Variants in APBA1 observed in about 807,000 individuals in gnomAD.
The protein encoded by APBA1 is amyloid beta precursor protein binding family A member 1, also known as amyloid-beta A4 precursor protein-binding family A member 1.
A neutral mutation model predicts 86.6 loss-of-function variants in APBA1; 55 were observed. The observed-to-expected ratio is 0.64, with a 90% CI of 0.51 to 0.80. The LOEUF is 0.80. Ranked by LOEUF, APBA1 falls within the 30% of genes least tolerant of loss-of-function variation. The pLI is 0.00. For synonymous variants in APBA1, 511 were observed against 493.9 expected, an observed-to-expected ratio of 1.03 and a Z score of -0.46; for missense variants, 1,090 against 1,183.0, an observed-to-expected ratio of 0.92 and a Z score of 1.15.
Position 69,476,091 on chromosome 9 carries a change from G to C in APBA1, c.1253C>G (p.Ser418Cys), listed in dbSNP as rs775789110. Residue 418 changes from serine (S) to cysteine (C), a missense_variant, in exon 3 of 13, where the codon TCT becomes TGT. Ser to Cys is a moderately radical substitution (Grantham distance 112, BLOSUM62 -1). Transcript: ENST00000265381. The part of the protein sequence containing the change: ...SPLGAESSST[S>C]LHPSDPVEAS... ...TTCCACAGGGTCACTGGGGTGAAGA[G>C]ATGTGCTTGATGACTCTGCACCCAA... 5.0e-6 allele frequency: 8 copies of C among 1,614,164 alleles called. No individual in the cohort carries two copies. The South Asian group carries it at 8.8e-5, about 18-fold the overall frequency.
intron 8 of APBA1, among the ~76,000 whole-genome samples, chr9:69,454,873 T>C (rs906619530): frequency 2.8e-4 from 43 of 152,078 alleles, no homozygotes; most frequent in Admixed American, 2.3e-3. Context: ...CTAAAACTCA[T>C]TTTCCCCGTT....
chr9:69,500,431 A>C (rs561706919), intron 2 of APBA1, among the ~76,000 whole-genome samples: 28 of 152,270 alleles, frequency 1.8e-4, no homozygotes, highest in African/African-American at 6.5e-4. Flanking sequence ...TTTACTGATG[A>C]GGAAACTGAA....
chr9:69,495,407 T>C (rs944967569), intron 2 of APBA1, among the ~76,000 whole-genome samples: 3 of 152,128 alleles, frequency 2.0e-5, no homozygotes, highest in African/African-American at 7.2e-5. Flanking sequence ...TTTGGGCAGC[T>C]GGGCCAGCTC....
rs139380397 is a variant in APBA1 at position 69,641,738 on chromosome 9, A to T, written c.-70+30415T>A. Among the ~76,000 whole-genome samples the T allele has an allele frequency of 9.2e-5, 14 of 152,372 alleles. No individual in the cohort carries two copies. In the East Asian group the frequency reaches 2.7e-3, roughly 29 times the overall value. ...TCACTATTCACAAAAATTAACTTAAAATGGGCCAGAGACTTAAATTTAAGA... is the reference window on the plus strand; with the variant it reads ...TCACTATTCACAAAAATTAACTTAATATGGGCCAGAGACTTAAATTTAAGA... On this transcript the variant is annotated intron_variant, in intron 1 of 12. Transcript: ENST00000265381.
chr9:69,458,715 A>G (rs551973361), intron 5 of APBA1, among the ~76,000 whole-genome samples: 1 of 151,870 alleles, frequency 6.6e-6, no homozygotes, highest in Non-Finnish European at 1.5e-5. Flanking sequence ...TTTTTTTTCA[A>G]ATTTCCACTG....
At chr9:69,587,944 T>G (rs577898135) in intron 1 of APBA1, among the ~76,000 whole-genome samples, 2 of 149,984 alleles carry the variant, frequency 1.3e-5, no homozygotes, top group African/African-American at 2.5e-5. Flanking sequence ...GAGAATCGTT[T>G]GAACCCGGGA....
At chr9:69,481,978 G>T (rs1168206424) in intron 2 of APBA1, among the ~76,000 whole-genome samples, 3 of 150,738 alleles carry the variant, frequency 2.0e-5, no homozygotes, top group Non-Finnish European at 4.4e-5. Flanking sequence ...ATTCAAGATG[G>T]ATTAAAGACT....
chr9:69,521,675 G>A (rs1836254529), intron 1 of APBA1, among the ~76,000 whole-genome samples: 2 of 152,216 alleles, frequency 1.3e-5, no homozygotes, highest in African/African-American at 4.8e-5. Flanking sequence ...AGGACATTAT[G>A]TAGATATTAT....
At chr9:69,435,475 A>G (rs527974659) in intron 11 of APBA1, among the ~76,000 whole-genome samples, 9 of 152,162 alleles carry the variant, frequency 5.9e-5, no homozygotes, top group South Asian at 4.1e-4. Flanking sequence ...TGACTTTTTA[A>G]TGATCGCCAT....
intron 1 of APBA1, among the ~76,000 whole-genome samples, chr9:69,653,595 T>C (rs909124573): frequency 3.3e-5 from 5 of 152,210 alleles, no homozygotes; most frequent in African/African-American, 1.2e-4. Flanking sequence ...AAATCAGTCA[T>C]ATCAATAATC....
intron 1 of APBA1, among the ~76,000 whole-genome samples, chr9:69,654,162 T>C (rs1043819002): frequency 2.2e-5 from 3 of 139,226 alleles, no homozygotes; most frequent in Admixed American, 7.1e-5. Context: ...TAAATGTCTA[T>C]ATCAAAAAAG....
Position 69,440,870 on chromosome 9 carries a change from T to G in APBA1, c.2301+126A>C, listed in dbSNP as rs1009040307. The stretch of plus-strand genomic sequence containing the variant: ...ATGCAGAAATTACCCGTCTTCTGCA[T>G]CACTCACGCTGGGAGTTGTAGACTG... On this transcript the variant is annotated intron_variant, in intron 11 of 12. Transcript: ENST00000265381. The G allele has an allele frequency of 8.2e-6, 10 of 1,213,502 alleles. No individual in the cohort carries two copies. The Admixed American group carries it at 8.6e-5, about 10-fold the overall frequency. The allele number at this position is 1,213,502 out of a possible 1,614,324, so 75.2% of individuals were successfully genotyped here. A position where few individuals can be genotyped will look rare whatever the true frequency, so the allele number is the denominator to read the frequency against.
At chr9:69,481,204 T>G (rs1835501400) in intron 2 of APBA1, among the ~76,000 whole-genome samples, 1 of 152,022 alleles carries the variant, frequency 6.6e-6, no homozygotes, top group Non-Finnish European at 1.5e-5. Context: ...GCAGATGACA[T>G]GATTGTATAT....
At chr9:69,433,184 T>G (rs1834635323) in intron 11 of APBA1, among the ~76,000 whole-genome samples, 1 of 152,146 alleles carries the variant, frequency 6.6e-6, no homozygotes, top group Non-Finnish European at 1.5e-5. Flanking sequence ...CTTCAGAGTT[T>G]CCCAATTCAG....
At chr9:69,500,540 T>C (rs142720019) in intron 2 of APBA1, among the ~76,000 whole-genome samples, 2 of 151,846 alleles carry the variant, frequency 1.3e-5, no homozygotes, top group Non-Finnish European at 2.9e-5. Context: ...AGCGCATCTG[T>C]GTGACTTGCT....
rs1834511427 is a variant in APBA1, at chr9:69,427,730, T to C, written c.*3597A>G. The C allele has an allele frequency of 6.6e-6, 1 of 152,170 alleles. No homozygotes were observed. The highest frequency in any genetic ancestry group is 2.4e-5 in the African/African-American group (1 of 41,434). The allele number at this position is 152,170 out of a possible 1,614,324, so 9.4% of individuals were successfully genotyped here. Reference sequence around the variant, plus strand: ...AAGTACATTCAGTGGGTGTGCGGTGTCCACATTCCAGGCTCACGTGTAGAT... The same window carrying C: ...AAGTACATTCAGTGGGTGTGCGGTGCCCACATTCCAGGCTCACGTGTAGAT... On this transcript the variant is annotated 3_prime_UTR_variant, in exon 13 of 13. Coordinates refer to ENST00000265381, the MANE Select transcript of APBA1 (RefSeq NM_001163.4).
intron 1 of APBA1, among the ~76,000 whole-genome samples, chr9:69,602,798 T>C (rs558967177): frequency 1.5e-4 from 23 of 152,296 alleles, no homozygotes; most frequent in African/African-American, 5.1e-4. Flanking sequence ...GGAGTTTTTA[T>C]TCTAGTGACT....
At chr9:69,564,697 A>G (rs1239177117) in intron 1 of APBA1, among the ~76,000 whole-genome samples, 1 of 152,156 alleles carries the variant, frequency 6.6e-6, no homozygotes, top group Non-Finnish European at 1.5e-5. Context: ...GGCTGTGGAG[A>G]AATTGGCACC....
intron 1 of APBA1, among the ~76,000 whole-genome samples, chr9:69,592,108 G>C (rs559556765): frequency 1.3e-5 from 2 of 152,026 alleles, no homozygotes; most frequent in Non-Finnish European, 2.9e-5. Flanking sequence ...ATGTTTTCTT[G>C]CTTGTATAAT....
Sources: allele counts gnomAD v4.1 joint callset (sites outside exome capture counted in the v4.1 genomes callset), GRCh38; gene constraint gnomAD v4.1.1; transcripts MANE v1.5; gene names NCBI Gene and HGNC (gene_info 2026-07-23, HGNC 2026-07-21).